The following THSD4 variants were observed in gnomAD, a reference collection of about 807,000 sequenced individuals.
The protein encoded by THSD4 is thrombospondin type-1 domain-containing protein 4.
A neutral mutation model predicts 119.0 loss-of-function variants in THSD4; 69 were observed. The ratio of observed to expected loss-of-function variants is 0.58; its 90% CI spans 0.48 to 0.71. The LOEUF (loss-of-function observed/expected upper bound fraction) is 0.71. THSD4 is among the 30% of genes least tolerant of loss of function. The pLI is 0.00. For missense variants in THSD4, 1,393 were observed against 1,391.1 expected (o/e 1.00, Z -0.02); for synonymous variants, 524 against 540.4 (o/e 0.97, Z 0.42).
intron 3 of THSD4, among the ~76,000 whole-genome samples, chr15:71,200,027 G>A (rs1157456047): frequency 6.6e-6 from 1 of 151,854 alleles, no homozygotes; most frequent in African/African-American, 2.4e-5. Flanking sequence ...CACAGTCATA[G>A]GTATTTCAGA....
chr15:71,589,605 G>A lies in THSD4; in HGVS notation c.1153-70925G>A, dbSNP rs188599126. Among the ~76,000 whole-genome samples the A allele has an allele frequency of 5.8e-4, 80 of 138,948 alleles. 14 individuals are homozygous for A. The highest frequency in any genetic ancestry group is 1.1e-3 in the Non-Finnish European group (68 of 61,050). 91.2% of individuals were successfully genotyped at this position (138,948 alleles called of 152,430 possible). A position where few individuals can be genotyped will look rare whatever the true frequency, so the allele number is the denominator to read the frequency against. On this transcript the variant is annotated intron_variant, in intron 7 of 17. Coordinates refer to ENST00000261862, the MANE Select transcript of THSD4 (RefSeq NM_024817.3). ...TCTCCTGGCCTCAAGCAATTCTCCGGCCTCAGCCTCCCAAAGTGCTGATAT... is the reference window on the plus strand; with the variant it reads ...TCTCCTGGCCTCAAGCAATTCTCCGACCTCAGCCTCCCAAAGTGCTGATAT...
At chr15:71,630,603 A>G (rs2050607754) in intron 7 of THSD4, among the ~76,000 whole-genome samples, 1 of 152,178 alleles carries the variant, frequency 6.6e-6, no homozygotes, top group Non-Finnish European at 1.5e-5. Flanking sequence ...GTCTGTAAGG[A>G]TATGGCACAG....
chr15:71,320,640 C>G lies in THSD4; in HGVS notation c.1015+63925C>G, dbSNP rs370802009. Among the ~76,000 whole-genome samples the G allele has an allele frequency of 1.3e-3, 201 of 152,324 alleles. 12 individuals carry two copies. In the South Asian group the frequency reaches 0.041, roughly 31 times the overall value. On this transcript the variant is annotated intron_variant, in intron 6 of 17. Transcript: ENST00000261862. ...AGCCTGTTCCTGGAACGTGATCAAA[C>G]TTTTTGCTCCATCCATACCTTTCCT...
intron 7 of THSD4, among the ~76,000 whole-genome samples, chr15:71,451,006 C>T (rs1045458668): frequency 3.9e-5 from 6 of 152,070 alleles, no homozygotes; most frequent in African/African-American, 4.8e-5. Flanking sequence ...GGCGAAACAC[C>T]GTCTCCACTA....
rs548508749 is a variant in THSD4 at position 71,312,352 on chromosome 15, G to C, written c.1015+55637G>C. 3.3e-5 allele frequency among the ~76,000 whole-genome samples: 5 copies of C among 152,034 alleles called. No homozygotes were observed. In the East Asian group the frequency reaches 7.8e-4, roughly 24 times the overall value. The stretch of plus-strand genomic sequence containing the variant: ...CGAGGCAGGGGGTGGAGTGGGGAGT[G>C]GGGGGAGGGTAATTGAGTTAAAATG... On this transcript the variant is annotated intron_variant, in intron 6 of 17. Transcript: ENST00000261862.
intron 6 of THSD4, among the ~76,000 whole-genome samples, chr15:71,289,361 T>C (rs1356265965): frequency 6.6e-6 from 1 of 152,194 alleles, no homozygotes; most frequent in African/African-American, 2.4e-5. Flanking sequence ...TGATGGTTCC[T>C]CATGATCCCA....
chr15:71,690,214 C>T (rs1046947872), intron 8 of THSD4, among the ~76,000 whole-genome samples: 1 of 152,190 alleles, frequency 6.6e-6, no homozygotes, highest in African/African-American at 2.4e-5. Context: ...TGGGTAATTG[C>T]CTGAGCCTTA....
chr15:71,170,893 G>T (rs562993560), intron 3 of THSD4, among the ~76,000 whole-genome samples: 1 of 152,052 alleles, frequency 6.6e-6, no homozygotes, highest in Non-Finnish European at 1.5e-5. Context: ...CAAGATCTGA[G>T]ATGAAAAATA....
At chr15:71,635,088 C>T (rs1296172156) in intron 7 of THSD4, among the ~76,000 whole-genome samples, 1 of 152,188 alleles carries the variant, frequency 6.6e-6, no homozygotes, top group Non-Finnish European at 1.5e-5. Flanking sequence ...AGCAAATATG[C>T]ATCGGTCACA....
At chr15:71,404,338 C>T (rs1179418408) in intron 6 of THSD4, among the ~76,000 whole-genome samples, 2 of 152,094 alleles carry the variant, frequency 1.3e-5, no homozygotes, top group Non-Finnish European at 2.9e-5. Flanking sequence ...TGGAATTATG[C>T]AATATGTGGC....
intron 7 of THSD4, among the ~76,000 whole-genome samples, chr15:71,618,463 T>A (rs2050360660): frequency 6.6e-6 from 1 of 152,182 alleles, no homozygotes; most frequent in Non-Finnish European, 1.5e-5. Context: ...ATATGCAAAT[T>A]GCTAAAGACA....
intron 7 of THSD4, among the ~76,000 whole-genome samples, chr15:71,655,685 T>C (rs1186543462): frequency 1.3e-5 from 2 of 152,096 alleles, no homozygotes; most frequent in African/African-American, 4.8e-5. Flanking sequence ...CTCATCAAAA[T>C]GTCCAAAGAT....
chr15:71,572,743 G>C (rs757034260), intron 7 of THSD4, among the ~76,000 whole-genome samples: 8 of 152,166 alleles, frequency 5.3e-5, no homozygotes, highest in Non-Finnish European at 1.2e-4. Context: ...GGTTAGGGGT[G>C]GGGAGAACAC....
chr15:71,600,152 G>C (rs1332347549), intron 7 of THSD4, among the ~76,000 whole-genome samples: 5 of 152,206 alleles, frequency 3.3e-5, no homozygotes, highest in African/African-American at 1.2e-4. Flanking sequence ...ATTAGCTACA[G>C]TCAATACTGT....
chr15:71,387,082 T>A (rs1300445660), intron 6 of THSD4, among the ~76,000 whole-genome samples: 12 of 152,192 alleles, frequency 7.9e-5, no homozygotes, highest in Non-Finnish European at 8.8e-5. Context: ...TAGGGTCAAG[T>A]TGTTTTCAGT....
intron 7 of THSD4, among the ~76,000 whole-genome samples, chr15:71,648,730 C>T (rs2051022056): frequency 6.6e-6 from 1 of 152,098 alleles, no homozygotes; most frequent in African/African-American, 2.4e-5. Context: ...ACAAGCCTCC[C>T]CTGTTGGTAG....
chr15:71,528,712 A>G (rs1197648523), intron 7 of THSD4, among the ~76,000 whole-genome samples: 1 of 152,208 alleles, frequency 6.6e-6, no homozygotes, highest in Non-Finnish European at 1.5e-5. Flanking sequence ...CTGAAAATCA[A>G]CTGATAGAGA....
intron 7 of THSD4, among the ~76,000 whole-genome samples, chr15:71,457,041 A>G (rs1331870206): frequency 6.6e-6 from 1 of 152,100 alleles, no homozygotes; most frequent in Non-Finnish European, 1.5e-5. Flanking sequence ...AACATCCATT[A>G]AACAAGGATA....
chr15:71,153,330 A>G (rs989175080), intron 2 of THSD4, among the ~76,000 whole-genome samples: 2 of 152,180 alleles, frequency 1.3e-5, no homozygotes, highest in African/African-American at 4.8e-5. Context: ...GAGGTGAGTG[A>G]GGGATGGCGC....
Sources: gnomAD v4.1 joint callset for allele counts (sites outside exome capture counted in the v4.1 genomes callset) on GRCh38, gnomAD v4.1.1 for gene constraint, MANE v1.5 for transcripts, NCBI Gene and HGNC (gene_info 2026-07-23, HGNC 2026-07-21) for gene names.